The following GPAT3 variants were observed in gnomAD, a reference collection of about 807,000 sequenced individuals.
GPAT3 encodes the protein glycerol-3-phosphate acyltransferase 3.
In GPAT3, 53 loss-of-function variants were observed where a neutral mutation model predicts 58.8. The ratio of observed to expected loss-of-function variants is 0.90; its 90% CI spans 0.72 to 1.13. The LOEUF (loss-of-function observed/expected upper bound fraction) is 1.13. Among genes scored for constraint, GPAT3 ranks in the 50% most tolerant of loss-of-function variants. The probability of loss-of-function intolerance (pLI) is 0.00; values close to 1 mark genes in which losing one functional copy is unlikely to be tolerated. For missense variants in GPAT3, 511 were observed against 527.6 expected (o/e 0.97, Z 0.31); for synonymous variants, 197 against 187.4 (o/e 1.05, Z -0.42).
Position 83,596,862 on chromosome 4 carries a change from A to T in GPAT3, c.859A>T (p.Lys287Ter). The change falls in exon 8 of 12, where the codon AAA becomes TAA. Residue 287 changes from lysine (K) to a stop codon, truncating the protein, a stop_gained. Transcript: ENST00000264409. LOFTEE classifies it high-confidence loss of function. Reference protein sequence around the residue: ...KDRHLVTKRLKEHIADKKKLP... With the variant: ...KDRHLVTKRL The stretch of plus-strand genomic sequence containing the variant: ...TGATCCTTTTTTTTTCCATAGACTA[A>T]AAGAACATATTGCTGATAAGAAGAA... 1 of 1,605,162 alleles carries T rather than the reference A, an allele frequency of 6.2e-7. No individual in the cohort carries two copies.
intron 3 of GPAT3, among the ~76,000 whole-genome samples, chr4:83,586,358 G>A (rs955205092): frequency 3.3e-5 from 5 of 152,122 alleles, no homozygotes; most frequent in Non-Finnish European, 7.4e-5. Context: ...GACACACAGG[G>A]TCCTTCTGAT....
At chr4:83,565,640 C>T (rs1725352821) in intron 2 of GPAT3, among the ~76,000 whole-genome samples, 1 of 152,156 alleles carries the variant, frequency 6.6e-6, no homozygotes, top group South Asian at 2.1e-4. Flanking sequence ...GGATTACAGG[C>T]ACCTGCCATC....
intron 2 of GPAT3, among the ~76,000 whole-genome samples, chr4:83,565,417 G>T (rs945833519): frequency 6.6e-6 from 1 of 151,946 alleles, no homozygotes; most frequent in African/African-American, 2.4e-5. Context: ...TTATACATTT[G>T]GATCTGTTTC....
intron 2 of GPAT3, among the ~76,000 whole-genome samples, chr4:83,551,363 G>T (rs1724741570): frequency 6.6e-6 from 1 of 152,072 alleles, no homozygotes; most frequent in African/African-American, 2.4e-5. Context: ...ACATTTATGT[G>T]AATATATAAT....
chr4:83,585,347 T>TAATTG, intron 3 of GPAT3, among the ~76,000 whole-genome samples: 1 of 149,762 alleles, frequency 6.7e-6, no homozygotes, highest in Admixed American at 6.7e-5. Context: ...ATAGTTATAA[T>TAATTG]TATAAAATTA....
chr4:83,576,963 CTAA>C (rs925241656), intron 2 of GPAT3, among the ~76,000 whole-genome samples: 16 of 152,234 alleles, frequency 1.1e-4, no homozygotes, highest in African/African-American at 3.4e-4. Flanking sequence ...AGAAAAAATA[CTAA>C]TGTTACATGG....
intron 7 of GPAT3, 101 bp downstream of exon 7, chr4:83,595,061 T>G: frequency 1.0e-6 from 1 of 956,840 alleles, no homozygotes; most frequent in Non-Finnish European, 1.6e-6. Context: ...GTCTCAAAAC[T>G]GAAACAGAGC....
intron 2 of GPAT3, among the ~76,000 whole-genome samples, chr4:83,556,565 T>A (rs1206808668): frequency 6.6e-6 from 1 of 151,880 alleles, no homozygotes; most frequent in Non-Finnish European, 1.5e-5. Flanking sequence ...CAACGCTATT[T>A]TTTTTTCAGT....
In GPAT3 at chr4:83,562,197, ATAATATATATATAT is replaced by A. The variant is rs1204795938; in HGVS notation, c.208+17598_208+17611del. Among the ~76,000 whole-genome samples, 15 of 42,106 alleles carry A rather than the reference ATAATATATATATAT, an allele frequency of 3.6e-4. No individual in the cohort carries two copies. In the East Asian group the frequency reaches 7.8e-3, roughly 22 times the overall value. The allele number at this position is 42,106 out of a possible 152,430, so 27.6% of individuals were successfully genotyped here. On this transcript the variant is annotated intron_variant, in intron 2 of 11. Coordinates refer to ENST00000264409, the MANE Select transcript of GPAT3 (RefSeq NM_032717.5). The stretch of plus-strand genomic sequence containing the variant: ...TTATATATTATATATATATATATAT[ATAATATATATATAT>A]TATATATATATATAATATATATATA...
Position 83,604,865 on chromosome 4 carries a change from T to A in GPAT3, c.*98T>A, listed in dbSNP as rs1379907070. ...TTTATTGTTTTGTTTTTATTATTGT[T>A]AATCTTTTCTACAGAATGATTGTCT... On this transcript the variant is annotated 3_prime_UTR_variant, in exon 12 of 12. Transcript: ENST00000264409. The A allele has an allele frequency of 3.1e-6, 3 of 982,778 alleles. No individual in the cohort carries two copies. The highest frequency in any genetic ancestry group is 4.5e-6 in the Non-Finnish European group (3 of 668,256). 60.9% of individuals were successfully genotyped at this position (982,778 alleles called of 1,614,324 possible).
At chr4:83,556,907 C>T (rs535093700) in intron 2 of GPAT3, among the ~76,000 whole-genome samples, 1 of 152,228 alleles carries the variant, frequency 6.6e-6, no homozygotes, top group East Asian at 1.9e-4. Flanking sequence ...TTTCACAGTT[C>T]CGGAGGCTGG....
chr4:83,541,066 A>G (rs1415423425), intron 1 of GPAT3, among the ~76,000 whole-genome samples: 1 of 152,144 alleles, frequency 6.6e-6, no homozygotes, highest in African/African-American at 2.4e-5. Flanking sequence ...AGATGATTAC[A>G]GCCAGGAAGT....
intron 6 of GPAT3, among the ~76,000 whole-genome samples, chr4:83,592,707 T>G (rs900638691): frequency 5.9e-5 from 9 of 152,142 alleles, no homozygotes; most frequent in African/African-American, 2.2e-4. Flanking sequence ...AAAATCACAT[T>G]AGAGCACCCT....
chr4:83,565,715 G>A (rs6835481), intron 2 of GPAT3, among the ~76,000 whole-genome samples: 32,476 of 152,030 alleles, frequency 0.21, 3,694 homozygotes, highest in East Asian at 0.31. Context: ...CCCCGAGTCC[G>A]GCGGAGACAA....
intron 2 of GPAT3, among the ~76,000 whole-genome samples, chr4:83,579,805 C>T (rs1726037894): frequency 6.6e-6 from 1 of 152,148 alleles, no homozygotes; most frequent in South Asian, 2.1e-4. Flanking sequence ...GTCCTCTTTC[C>T]TTTCTCCTCT....
intron 11 of GPAT3, among the ~76,000 whole-genome samples, chr4:83,601,853 G>A (rs1157746494): frequency 6.6e-6 from 1 of 152,234 alleles, no homozygotes; most frequent in Non-Finnish European, 1.5e-5. Context: ...AGCCATTAGT[G>A]GCATCTCTGA....
At chr4:83,579,863 A>G (rs1196391797) in intron 2 of GPAT3, among the ~76,000 whole-genome samples, 1 of 152,160 alleles carries the variant, frequency 6.6e-6, no homozygotes, top group East Asian at 1.9e-4. Flanking sequence ...AGCTCTTTCT[A>G]CTAATACACG....
chr4:83,590,033 C>T (rs1203247912), intron 5 of GPAT3, among the ~76,000 whole-genome samples, 166 bp from the exon 6 acceptor site: 1 of 151,982 alleles, frequency 6.6e-6, no homozygotes, highest in Non-Finnish European at 1.5e-5. Flanking sequence ...GTGGAGGTTG[C>T]CATGAGCCAA....
chr4:83,543,078 A>G (rs1298952083), intron 1 of GPAT3, among the ~76,000 whole-genome samples: 1 of 152,142 alleles, frequency 6.6e-6, no homozygotes, highest in Non-Finnish European at 1.5e-5. Context: ...AAGCCAGTAG[A>G]TTGCTGAGCT....
Sources: gnomAD v4.1 joint callset for allele counts (sites outside exome capture counted in the v4.1 genomes callset) on GRCh38, gnomAD v4.1.1 for gene constraint, MANE v1.5 for transcripts, NCBI Gene and HGNC (gene_info 2026-07-23, HGNC 2026-07-21) for gene names.